Variants in BCL2L11 observed in about 807,000 individuals in gnomAD.
BCL2L11 encodes the protein BCL2 like 11.
Under a neutral mutation model 20.6 loss-of-function variants are expected in BCL2L11, and 15 were observed. The ratio of observed to expected loss-of-function variants is 0.73; its 90% CI spans 0.49 to 1.12. The LOEUF is 1.12. BCL2L11 is among the 50% of genes most tolerant of loss of function. The pLI, the probability that BCL2L11 is intolerant of heterozygous loss-of-function variation, is 0.00. For synonymous variants in BCL2L11, 108 were observed against 92.8 expected (o/e 1.16, Z -0.94); for missense variants, 292 against 260.9 (o/e 1.12, Z -0.82).
rs1336160533 is a variant in BCL2L11 at position 111,120,973 on chromosome 2, T to TGCCGCCGCCGCCGCCGCCGCC, written c.-224_-223insCGCCGCCGCCGCCGCCGCCGC. 1 of 271,116 alleles carries TGCCGCCGCCGCCGCCGCCGCC rather than the reference T, an allele frequency of 3.7e-6. No individual in the cohort carries two copies. Among genetic ancestry groups the TGCCGCCGCCGCCGCCGCCGCC allele is most frequent in the African/African-American group, 8.5e-5 (1 of 11,760 alleles). The allele number at this position is 271,116 out of a possible 1,614,324, so 16.8% of individuals were successfully genotyped here. A position where few individuals can be genotyped will look rare whatever the true frequency, so the allele number is the denominator to read the frequency against. On this transcript the variant is annotated 5_prime_UTR_variant, in exon 1 of 4. Coordinates refer to ENST00000393256, the MANE Select transcript of BCL2L11 (RefSeq NM_138621.5). ...GTTGGAGCTCTGCGTCCAGCGCCGC[T>TGCCGCCGCCGCCGCCGCCGCC]GCCGCTGCCGCCGCCGCCGCCGCCG...
chr2:111,167,988 G>T lies in BCL2L11; in HGVS notation c.*3757G>T, dbSNP rs939213473. 6 of 152,852 alleles carry T rather than the reference G, an allele frequency of 3.9e-5. No homozygotes were observed. In the East Asian group the frequency reaches 5.8e-4, roughly 15 times the overall value. 9.5% of individuals were successfully genotyped at this position (152,852 alleles called of 1,614,324 possible). On this transcript the variant is annotated 3_prime_UTR_variant, in exon 4 of 4. Coordinates refer to ENST00000393256, the MANE Select transcript of BCL2L11 (RefSeq NM_138621.5). ...TCCCTGCTGATTTAGCCTGGTGCCT[G>T]TGTGTGTCCACTCACGTACACGTGG...
At chr2:111,129,437 T>A (rs1553488884) in intron 2 of BCL2L11, among the ~76,000 whole-genome samples, 1 of 152,190 alleles carries the variant, frequency 6.6e-6, no homozygotes, top group Non-Finnish European at 1.5e-5. Flanking sequence ...ATTTACATCT[T>A]AAAAAAATTT....
chr2:111,131,038 G>A (rs2073845993), intron 2 of BCL2L11, among the ~76,000 whole-genome samples: 1 of 152,142 alleles, frequency 6.6e-6, no homozygotes. Context: ...TTGCGCCTAA[G>A]TTCTTGAGAG....
At chr2:111,122,585 C>T (rs988200024) in intron 1 of BCL2L11, 4 of 983,102 alleles carry the variant, frequency 4.1e-6, no homozygotes, top group Admixed American at 6.2e-5. Context: ...GCGCCAGCGG[C>T]GCGGGGAGGT....
intron 2 of BCL2L11, among the ~76,000 whole-genome samples, chr2:111,129,837 C>T (rs559880022): frequency 6.6e-6 from 1 of 152,316 alleles, no homozygotes; most frequent in Non-Finnish European, 1.5e-5. Context: ...TTTGTCATTT[C>T]AAGGATGCTG....
chr2:111,161,322 T>G, intron 3 of BCL2L11: 1 of 1,435,370 alleles, frequency 7.0e-7, no homozygotes, highest in Non-Finnish European at 9.5e-7. Flanking sequence ...ATTTTAATAG[T>G]TTTTTAAAAA....
Position 111,167,648 on chromosome 2 carries a change from G to A in BCL2L11, c.*3417G>A, listed in dbSNP as rs1185633966. On this transcript the variant is annotated 3_prime_UTR_variant, in exon 4 of 4. Transcript: ENST00000393256. Reference sequence around the variant, plus strand: ...GGTGGGACAGGTGGCTCCTGCCTAAGGACCACCTCAGGCCACTAACCCCTT... The same window carrying A: ...GGTGGGACAGGTGGCTCCTGCCTAAAGACCACCTCAGGCCACTAACCCCTT... The A allele has an allele frequency of 6.6e-6, 1 of 152,266 alleles. No individual in the cohort carries two copies. The highest frequency in any genetic ancestry group is 2.4e-5 in the African/African-American group (1 of 41,462). The allele number at this position is 152,266 out of a possible 1,614,324, so 9.4% of individuals were successfully genotyped here. A position where few individuals can be genotyped will look rare whatever the true frequency, so the allele number is the denominator to read the frequency against.
chr2:111,139,955 G>A (rs1218247931), intron 2 of BCL2L11, among the ~76,000 whole-genome samples: 2 of 152,244 alleles, frequency 1.3e-5, no homozygotes, highest in Non-Finnish European at 2.9e-5. Flanking sequence ...CCACGAGGCA[G>A]CAGTGAGGGC....
chr2:111,150,909 T>C (rs2077178173), intron 3 of BCL2L11, among the ~76,000 whole-genome samples: 1 of 48,844 alleles, frequency 2.0e-5, no homozygotes, highest in Admixed American at 1.3e-4. Flanking sequence ...TTTGTTTGTG[T>C]GTGTGTTTGT....
At chr2:111,145,936 T>G in intron 2 of BCL2L11, 2 of 937,668 alleles carry the variant, frequency 2.1e-6, no homozygotes, top group Non-Finnish European at 2.5e-6. Context: ...TTTTTTTTTT[T>G]TTTTGTAACA....
chr2:111,140,074 A>G (rs1009202038), intron 2 of BCL2L11, among the ~76,000 whole-genome samples: 2 of 152,210 alleles, frequency 1.3e-5, no homozygotes, highest in African/African-American at 4.8e-5. Flanking sequence ...GGGACTTGAC[A>G]TTGCTTTCAG....
intron 3 of BCL2L11, among the ~76,000 whole-genome samples, chr2:111,163,722 C>T (rs1322536743): frequency 6.6e-6 from 1 of 152,208 alleles, no homozygotes; most frequent in Non-Finnish European, 1.5e-5. Context: ...TACTCCAAAT[C>T]ACTGGTTTTT....
chr2:111,122,723 G>A, intron 1 of BCL2L11: 4 of 983,156 alleles, frequency 4.1e-6, no homozygotes, highest in East Asian at 1.1e-4. Context: ...TCGGCTGCCC[G>A]GCGGAGCGCG....
intron 3 of BCL2L11, among the ~76,000 whole-genome samples, chr2:111,151,476 T>C (rs764710018): frequency 9.2e-5 from 14 of 152,230 alleles, no homozygotes; most frequent in Non-Finnish European, 1.5e-4. Context: ...CTGAACGTTG[T>C]TGTTTTATAT....
At chr2:111,123,002 C>T (rs886257478) in intron 1 of BCL2L11, 2 of 984,670 alleles carry the variant, frequency 2.0e-6, no homozygotes, top group Non-Finnish European at 2.4e-6. Context: ...TGTCGCCTAG[C>T]CTGCGGACCT....
intron 1 of BCL2L11, chr2:111,122,697 G>A: frequency 3.1e-6 from 3 of 981,978 alleles, no homozygotes; most frequent in Non-Finnish European, 3.6e-6. Context: ...GGCCAGAGGC[G>A]CGGCGTGCGG....
At position 111,149,743 on chromosome 2, in the gene BCL2L11, G is replaced by A. The variant is rs1338166578; in HGVS notation, c.395-301G>A. ...GGCAGTATTTTCCATTTTCTTGTGAGTAACTTCTGGAAATGGAAGTGTGTA... is the reference window on the plus strand; with the variant it reads ...GGCAGTATTTTCCATTTTCTTGTGAATAACTTCTGGAAATGGAAGTGTGTA... On this transcript the variant is annotated intron_variant, in intron 2 of 3. Coordinates refer to ENST00000393256, the MANE Select transcript of BCL2L11 (RefSeq NM_138621.5). Among the ~76,000 whole-genome samples the A allele has an allele frequency of 2.0e-5, 3 of 152,180 alleles. No homozygotes were observed. In the East Asian group the frequency reaches 5.8e-4, roughly 29 times the overall value.
At chr2:111,123,372 C>T (rs1020192717) in intron 1 of BCL2L11, 2 of 985,368 alleles carry the variant, frequency 2.0e-6, no homozygotes, top group South Asian at 4.7e-5. Flanking sequence ...CTACCTAACC[C>T]CGGGAAGTCA....
intron 1 of BCL2L11, chr2:111,123,025 T>A: frequency 4.1e-6 from 4 of 982,744 alleles, no homozygotes; most frequent in Non-Finnish European, 4.8e-6. Context: ...TTGTAGACCT[T>A]GCAGGCGTTC....
Sources: gnomAD v4.1 joint callset for allele counts (sites outside exome capture counted in the v4.1 genomes callset) on GRCh38, gnomAD v4.1.1 for gene constraint, MANE v1.5 for transcripts, NCBI Gene and HGNC (gene_info 2026-07-23, HGNC 2026-07-21) for gene names.